The following TFCP2 variants were observed in gnomAD, a reference collection of about 807,000 sequenced individuals.
TFCP2 encodes the protein transcription factor CP2.
Under a neutral mutation model 73.4 loss-of-function variants are expected in TFCP2, and 33 were observed. The ratio of observed to expected loss-of-function variants is 0.45; its 90% confidence interval spans 0.34 to 0.60. TFCP2 has a LOEUF of 0.60. TFCP2 is among the 20% of genes least tolerant of loss of function. The pLI is 0.01. For synonymous variants in TFCP2, 193 were observed against 211.6 expected (o/e 0.91, Z 0.76); for missense variants, 352 against 604.0 (o/e 0.58, Z 4.37).
chr12:51,156,447 T>C (rs1426754052), intron 1 of TFCP2, among the ~76,000 whole-genome samples: 2 of 152,068 alleles, frequency 1.3e-5, no homozygotes, highest in Non-Finnish European at 2.9e-5. Flanking sequence ...TCCTGAGGGA[T>C]AAACCCCCAT....
intron 4 of TFCP2, among the ~76,000 whole-genome samples, chr12:51,115,097 C>T (rs1407887279): frequency 2.5e-5 from 3 of 119,436 alleles, no homozygotes; most frequent in African/African-American, 9.1e-5. Context: ...CAAGTGTTGA[C>T]AAGGATTGGA....
intron 1 of TFCP2, among the ~76,000 whole-genome samples, chr12:51,145,027 C>T (rs184030472): frequency 3.1e-4 from 47 of 152,136 alleles, no homozygotes; most frequent in Admixed American, 5.2e-4. Flanking sequence ...ATGGTGAAAC[C>T]CTGTCTCTAC....
rs190825095 is a variant in TFCP2, at chr12:51,151,196, C to A, written c.122+21105G>T. 1.8e-3 allele frequency among the ~76,000 whole-genome samples: 268 copies of A among 152,198 alleles called. 2 individuals carry two copies. The highest frequency in any genetic ancestry group is 3.4e-3 in the Admixed American group (52 of 15,278). ...CCAGGTGCGGCTGCAGCAGAGCAAG[C>A]CAGGGGAAGAGTATATTCAATGGCT... On this transcript the variant is annotated intron_variant, in intron 1 of 14. Transcript: ENST00000257915.
chr12:51,150,187 G>A (rs1227532770), intron 1 of TFCP2, among the ~76,000 whole-genome samples: 1 of 152,120 alleles, frequency 6.6e-6, no homozygotes, highest in East Asian at 1.9e-4. Context: ...AGAGGCCAAG[G>A]CAGGCGGATC....
intron 1 of TFCP2, among the ~76,000 whole-genome samples, chr12:51,148,057 G>A (rs1431801278): frequency 5.9e-5 from 9 of 151,994 alleles, no homozygotes; most frequent in Non-Finnish European, 1.2e-4. Context: ...ATCACTATCA[G>A]GGAAATGAAA....
rs560400550 is a variant in TFCP2, at chr12:51,128,659, A to G, written c.123-9887T>C. Among the ~76,000 whole-genome samples, 11 of 152,286 alleles carry G rather than the reference A, an allele frequency of 7.2e-5. No homozygotes were observed. The South Asian group carries it at 2.3e-3, about 32-fold the overall frequency. On this transcript the variant is annotated intron_variant, in intron 1 of 14. Transcript: ENST00000257915. Reference sequence around the variant, plus strand: ...TTGATATCACTGTGCAAGGTGAAAAAATATGAATTTTTTAACTTAAAAGTT... The same window carrying G: ...TTGATATCACTGTGCAAGGTGAAAAGATATGAATTTTTTAACTTAAAAGTT...
Position 51,160,133 on chromosome 12 carries a change from A to ATT in TFCP2, c.122+12166_122+12167dup, listed in dbSNP as rs372316760. The stretch of plus-strand genomic sequence containing the variant: ...ATCAACTTCCCAGAATCCTCTCTGA[A>ATT]TTTTTTTTTTTTTTTTTTTTGAGAC... On this transcript the variant is annotated intron_variant, in intron 1 of 14. Transcript: ENST00000257915. Among the ~76,000 whole-genome samples the ATT allele has an allele frequency of 7.0e-3, 887 of 126,326 alleles. 20 individuals are homozygous for ATT. The highest frequency in any genetic ancestry group is 0.013 in the Middle Eastern group (3 of 230). 82.9% of individuals were successfully genotyped at this position (126,326 alleles called of 152,430 possible). A position where few individuals can be genotyped will look rare whatever the true frequency, so the allele number is the denominator to read the frequency against.
intron 8 of TFCP2, 69 bp from the exon 9 acceptor site, chr12:51,104,272 G>T: frequency 7.5e-7 from 1 of 1,340,824 alleles, no homozygotes; most frequent in Non-Finnish European, 1.0e-6. Context: ...TCATTCCTCA[G>T]CTTCACAATA....
Position 51,143,776 on chromosome 12 carries a change from T to C in TFCP2, c.123-25004A>G, listed in dbSNP as rs373528736. Among the ~76,000 whole-genome samples, 52 of 152,234 alleles carry C rather than the reference T, an allele frequency of 3.4e-4. 1 individual carries two copies. The South Asian group carries it at 6.8e-3, about 20-fold the overall frequency. ...ATGCTAGGCTGTCTCTTGGAAAAGA[T>C]AGACCAAAGATGGGGAGTTGAAAGC... On this transcript the variant is annotated intron_variant, in intron 1 of 14. Transcript: ENST00000257915.
chr12:51,115,119 C>CTT (rs767275906), intron 4 of TFCP2, among the ~76,000 whole-genome samples: 95 of 83,782 alleles, frequency 1.1e-3, no homozygotes, highest in Non-Finnish European at 1.2e-3. Context: ...AAATTGGAAC[C>CTT]TTTTTTTTTT....
chr12:51,148,096 C>T (rs1396814491), intron 1 of TFCP2, among the ~76,000 whole-genome samples: 9 of 152,102 alleles, frequency 5.9e-5, no homozygotes, highest in Admixed American at 5.9e-4. Flanking sequence ...TACCACCTTA[C>T]TTCTGCAAGA....
At chr12:51,110,644 T>C (rs780297570) in intron 5 of TFCP2, among the ~76,000 whole-genome samples, 172 of 152,150 alleles carry the variant, frequency 1.1e-3, no homozygotes, top group Non-Finnish European at 2.1e-3. Flanking sequence ...AAATGAAATA[T>C]TATGCAGCCA....
At chr12:51,104,580 A>T (rs1386165914) in intron 8 of TFCP2, among the ~76,000 whole-genome samples, 1 of 152,200 alleles carries the variant, frequency 6.6e-6, no homozygotes, top group Non-Finnish European at 1.5e-5. Context: ...AAAATGAAAA[A>T]TATCAGGATA....
chr12:51,108,381 T>G (rs1287863393), intron 6 of TFCP2, among the ~76,000 whole-genome samples: 1 of 152,152 alleles, frequency 6.6e-6, no homozygotes, highest in Non-Finnish European at 1.5e-5. Context: ...AGGGGGTCAG[T>G]GTAAGAGTAG....
At position 51,117,709 on chromosome 12, in the gene TFCP2, G is replaced by C. The variant is rs1566207853; in HGVS notation, c.313C>G (p.Leu105Val). Residue 105 changes from leucine to valine, a missense_variant, in exon 3 of 15, where the codon CTT (leucine) becomes GTT (valine). Coordinates refer to ENST00000257915, the MANE Select transcript of TFCP2 (RefSeq NM_005653.5). ...CCATTAATTTCTGGAAGTTCTCCAA[G>C]TTTCCTATTGTCTAGCATTCGAATT... ...YEIRMLDNRK[L>V]GELPEINGKL... The C allele has an allele frequency of 1.2e-6, 2 of 1,613,128 alleles. No individual in the cohort carries two copies. Among genetic ancestry groups the C allele is most frequent in the Non-Finnish European group, 1.7e-6 (2 of 1,179,542 alleles).
intron 1 of TFCP2, among the ~76,000 whole-genome samples, chr12:51,148,315 T>C (rs965131589): frequency 1.3e-5 from 2 of 152,166 alleles, no homozygotes; most frequent in African/African-American, 4.8e-5. Context: ...AGTCATTATA[T>C]GAAAAAGATA....
chr12:51,116,223 G>A, intron 4 of TFCP2, 92 bp downstream of exon 4: 3 of 557,838 alleles, frequency 5.4e-6, no homozygotes. Flanking sequence ...AGCCTCTCAA[G>A]CATATGAATC....
intron 12 of TFCP2, 116 bp from the exon 13 acceptor site, chr12:51,099,034 T>C: frequency 6.0e-6 from 7 of 1,160,320 alleles, no homozygotes; most frequent in Non-Finnish European, 8.5e-6. Context: ...CTGCCTAAGT[T>C]CAAATCCTGG....
rs34943578 is a variant in TFCP2, at chr12:51,141,905, CAAAAAA to C, written c.123-23139_123-23134del. On this transcript the variant is annotated intron_variant, in intron 1 of 14. Transcript: ENST00000257915. Reference sequence around the variant, plus strand: ...TGAGTGACAGAGTGAGACTCTGTCTCAAAAAAAAAAAAAAAAAAACCAGGCACAGTG... The same window carrying C: ...TGAGTGACAGAGTGAGACTCTGTCTCAAAAAAAAAAAAACCAGGCACAGTG... Among the ~76,000 whole-genome samples the C allele has an allele frequency of 4.7e-5, 3 of 63,508 alleles. No homozygotes were observed. The East Asian group carries it at 1.4e-3, about 29-fold the overall frequency. The allele number at this position is 63,508 out of a possible 152,430, so 41.7% of individuals were successfully genotyped here.
Sources: gnomAD v4.1 joint callset for allele counts (sites outside exome capture counted in the v4.1 genomes callset) on GRCh38, gnomAD v4.1.1 for gene constraint, MANE v1.5 for transcripts, NCBI Gene and HGNC (gene_info 2026-07-23, HGNC 2026-07-21) for gene names.